PIWIL3: variants seen among roughly 807,000 people sequenced by gnomAD.
PIWIL3 encodes the protein piwi like RNA-mediated gene silencing 3, also known as piwi-like protein 3.
A neutral mutation model predicts 109.7 loss-of-function variants in PIWIL3; 101 were observed. The observed-to-expected ratio is 0.92, with a 90% CI of 0.78 to 1.09. PIWIL3 has a LOEUF of 1.09. Among genes scored for constraint, PIWIL3 ranks in the 50% least tolerant of loss-of-function variants. PIWIL3 has a pLI of 0.00. For missense variants in PIWIL3, 1,031 were observed against 1,072.6 expected (o/e 0.96, Z 0.54); for synonymous variants, 373 against 376.4 (o/e 0.99, Z 0.10).
At chr22:24,765,775 T>G (rs942770457) in intron 1 of PIWIL3, among the ~76,000 whole-genome samples, 1 of 139,332 alleles carries the variant, frequency 7.2e-6, no homozygotes, top group Non-Finnish European at 1.6e-5. Context: ...GGAAAATGAG[T>G]ATTTGGTCCA....
At chr22:24,772,852 C>T (rs1926204605) in intron 1 of PIWIL3, among the ~76,000 whole-genome samples, 1 of 152,184 alleles carries the variant, frequency 6.6e-6, no homozygotes, top group African/African-American at 2.4e-5. Flanking sequence ...CCTGCATGTG[C>T]CGGGTGTCCC....
Position 24,757,079 on chromosome 22 carries a change from CAAAAA to C in PIWIL3, c.356-379_356-375del, listed in dbSNP as rs71189275. Among the ~76,000 whole-genome samples, 99 of 91,726 alleles carry C rather than the reference CAAAAA, an allele frequency of 1.1e-3. 1 individual carries two copies. Among genetic ancestry groups the C allele is most frequent in the African/African-American group, 4.1e-3 (92 of 22,182 alleles). 60.2% of individuals were successfully genotyped at this position (91,726 alleles called of 152,430 possible). A position where few individuals can be genotyped will look rare whatever the true frequency, so the allele number is the denominator to read the frequency against. On this transcript the variant is annotated intron_variant, in intron 4 of 20. Coordinates refer to ENST00000616349, the MANE Select transcript of PIWIL3 (RefSeq NM_001255975.1). ...GGACAACAAGAGCTAAACTCCGTCT[CAAAAA>C]AAAAAAAAAAAAAAAAAAGAAAAGA...
In PIWIL3 at chr22:24,734,146, C is replaced by A. The variant is rs370380115; in HGVS notation, c.1645G>T (p.Asp549Tyr). 4 of 1,611,770 alleles carry A rather than the reference C, an allele frequency of 2.5e-6. No homozygotes were observed. In the East Asian group the frequency reaches 6.7e-5, roughly 27 times the overall value. The change falls in exon 14 of 21, where the codon GAT (aspartate) becomes TAT (tyrosine). Residue 549 changes from aspartate to tyrosine, a missense_variant. By Grantham distance (160) the Asp-to-Tyr change is radical. Coordinates refer to ENST00000616349, the MANE Select transcript of PIWIL3 (RefSeq NM_001255975.1). ...TCTATATAGGAGTTAGCATCACCAT[C>A]TACTTCAATCCTAAAAAATAAATAT... Reference protein sequence around the residue: ...TMKPAEMIEVDGDANSYIDTL... With the variant: ...TMKPAEMIEVYGDANSYIDTL...
Position 24,720,259 on chromosome 22 carries a change from GTTTTTTTTTTTT to G in PIWIL3, c.2358-376_2358-365del, listed in dbSNP as rs56087060. Among the ~76,000 whole-genome samples the G allele has an allele frequency of 4.8e-3, 503 of 105,522 alleles. 4 individuals carry two copies. Among genetic ancestry groups the G allele is most frequent in the African/African-American group, 0.016 (472 of 28,954 alleles). 69.2% of individuals were successfully genotyped at this position (105,522 alleles called of 152,430 possible). On this transcript the variant is annotated intron_variant, in intron 19 of 20. Coordinates refer to ENST00000616349, the MANE Select transcript of PIWIL3 (RefSeq NM_001255975.1). ...AGAATCACTGGACTATATTTAAACT[GTTTTTTTTTTTT>G]TTTTTTTTTTTTTTTTTTTAGACGG...
intron 1 of PIWIL3, among the ~76,000 whole-genome samples, chr22:24,764,870 G>A (rs181379369): frequency 2.3e-3 from 357 of 152,272 alleles, no homozygotes; most frequent in African/African-American, 8.4e-3. Flanking sequence ...CCAGTCTCAA[G>A]GGGCAGGGTT....
chr22:24,727,459 A>T (rs1569096898), intron 16 of PIWIL3, among the ~76,000 whole-genome samples: 1 of 152,206 alleles, frequency 6.6e-6, no homozygotes, highest in African/African-American at 2.4e-5. Context: ...GAGAGTGATC[A>T]AGACTGGCCT....
At position 24,754,772 on chromosome 22, in the gene PIWIL3, C is replaced by T. The variant is rs1924922824; in HGVS notation, c.773+12G>A. 6.3e-7 allele frequency: 1 copy of T among 1,582,326 alleles called. No homozygotes were observed. The stretch of plus-strand genomic sequence containing the variant: ...AGTCTGCAGAGTGTGAAATTTTCTA[C>T]TTTATACAAACCCATGACGGTATAA... On this transcript the variant is annotated intron_variant, in intron 7 of 20. Transcript: ENST00000616349.
At chr22:24,744,989 A>G (rs1256464004) in intron 12 of PIWIL3, among the ~76,000 whole-genome samples, 4 of 152,218 alleles carry the variant, frequency 2.6e-5, no homozygotes. Context: ...AGGTTACAAA[A>G]GAAGTCTTAA....
intron 6 of PIWIL3, 107 bp downstream of exon 6, chr22:24,755,677 A>C: frequency 7.2e-7 from 1 of 1,394,402 alleles, no homozygotes; most frequent in Non-Finnish European, 9.9e-7. Flanking sequence ...TTAATACATG[A>C]GGACTAGGAA....
chr22:24,756,670 G>A lies in PIWIL3; in HGVS notation c.391C>T (p.His131Tyr), dbSNP rs372380832. ...TGAGGACGAGATATCACTCGGAAGT[G>A]GTTGGCGAGTAGCTGTACCACTGTA... ...EGTVVQLLAN[H>Y]FRVISRPQWV... The change falls in exon 5 of 21, where the codon CAC becomes TAC. Residue 131 changes from histidine to tyrosine, a missense_variant. Coordinates refer to ENST00000616349, the MANE Select transcript of PIWIL3 (RefSeq NM_001255975.1). The A allele has an allele frequency of 3.1e-6, 5 of 1,613,868 alleles. No individual in the cohort carries two copies. In the African/African-American group the frequency reaches 6.7e-5, roughly 22 times the overall value.
chr22:24,742,624 C>G (rs571516561), intron 12 of PIWIL3, among the ~76,000 whole-genome samples: 2 of 152,230 alleles, frequency 1.3e-5, no homozygotes, highest in East Asian at 3.9e-4. Flanking sequence ...TGGTCTTTGA[C>G]AAAGCAAACA....
In PIWIL3 at chr22:24,728,808, C is replaced by T. The variant is rs894002496; in HGVS notation, c.1708-434G>A. ...TTATTCAGGTTCCAGGAACTTATCA[C>T]CATGTTGACAAGGATGGGTTAAAAT... On this transcript the variant is annotated intron_variant, in intron 14 of 20. Coordinates refer to ENST00000616349, the MANE Select transcript of PIWIL3 (RefSeq NM_001255975.1). 2.6e-5 allele frequency among the ~76,000 whole-genome samples: 4 copies of T among 152,088 alleles called. No homozygotes were observed. In the South Asian group the frequency reaches 8.3e-4, roughly 31 times the overall value.
intron 4 of PIWIL3, 78 bp from the exon 5 acceptor site, chr22:24,756,783 A>C (rs1387164145): frequency 6.9e-6 from 9 of 1,311,694 alleles, no homozygotes; most frequent in Non-Finnish European, 9.6e-6. Context: ...CTACAATATT[A>C]AAAGCCAAAG....
Position 24,754,823 on chromosome 22 carries a change from T to TAG in PIWIL3, c.732_733dup (p.Tyr245SerfsTer41). 1 of 1,613,064 alleles carries TAG rather than the reference T, an allele frequency of 6.2e-7. No homozygotes were observed. The highest frequency in any genetic ancestry group is 8.5e-7 in the Non-Finnish European group (1 of 1,179,130). On this transcript the variant is annotated frameshift_variant, in exon 7 of 21. Coordinates refer to ENST00000616349, the MANE Select transcript of PIWIL3 (RefSeq NM_001255975.1). LOFTEE classifies it high-confidence loss of function. ...CTGAATGGCCTTCTTTTTGGTATAA[T>TAG]AGTTGCGACCAACTTGTTCAAAATC...
rs796930118 is a variant in PIWIL3 at position 24,720,274 on chromosome 22, T to G, written c.2358-379A>C. On this transcript the variant is annotated intron_variant, in intron 19 of 20. Transcript: ENST00000616349. ...TATTTAAACTGTTTTTTTTTTTTTT[T>G]TTTTTTTTTTTTTTTTAGACGGAGT... is the stretch of plus-strand genomic sequence containing the variant. 2.4e-3 allele frequency among the ~76,000 whole-genome samples: 335 copies of G among 141,380 alleles called. 20 individuals are homozygous for G. The highest frequency in any genetic ancestry group is 4.1e-3 in the East Asian group (20 of 4,902). The allele number at this position is 141,380 out of a possible 152,430, so 92.8% of individuals were successfully genotyped here.
At chr22:24,719,630 T>A in intron 20 of PIWIL3, 42 bp from the exon 21 acceptor site, 1 of 1,544,718 alleles carries the variant, frequency 6.5e-7, no homozygotes, top group South Asian at 1.2e-5. Context: ...TTTTTTTCAC[T>A]TTACATCTAC....
rs1158878243 is a variant in PIWIL3 at position 24,749,403 on chromosome 22, C to T, written c.1334+1G>A. 6.2e-7 allele frequency: 1 copy of T among 1,613,706 alleles called. No homozygotes were observed. Among genetic ancestry groups the T allele is most frequent in the South Asian group, 1.1e-5 (1 of 91,068 alleles). On this transcript the variant is annotated splice_donor_variant, in intron 11 of 20. Transcript: ENST00000616349. LOFTEE classifies it high-confidence loss of function. Reference sequence around the variant, plus strand: ...CACTCAGCCAGAAAAGCAGCACTTACTCTTGTAGAGTATTGATGAATTCTT... The same window carrying T: ...CACTCAGCCAGAAAAGCAGCACTTATTCTTGTAGAGTATTGATGAATTCTT...
rs536902800 is a variant in PIWIL3 at position 24,723,957 on chromosome 22, C to T, written c.2232-702G>A. 3.3e-5 allele frequency among the ~76,000 whole-genome samples: 5 copies of T among 152,218 alleles called. No individual in the cohort carries two copies. The East Asian group carries it at 7.7e-4, about 24-fold the overall frequency. ...CCTCCCAAAGTGCTGAGATTACAGGCGTGAGCCACCACGCCAGGCCATTCA... is the reference window on the plus strand; with the variant it reads ...CCTCCCAAAGTGCTGAGATTACAGGTGTGAGCCACCACGCCAGGCCATTCA... On this transcript the variant is annotated intron_variant, in intron 18 of 20. Coordinates refer to ENST00000616349, the MANE Select transcript of PIWIL3 (RefSeq NM_001255975.1).
chr22:24,721,329 A>C (rs970104981), intron 19 of PIWIL3, among the ~76,000 whole-genome samples: 2 of 152,048 alleles, frequency 1.3e-5, no homozygotes, highest in African/African-American at 4.8e-5. Context: ...AAATTTTCTT[A>C]TGCCTGCTGA....
Sources: allele counts gnomAD v4.1 joint callset (sites outside exome capture counted in the v4.1 genomes callset), GRCh38; gene constraint gnomAD v4.1.1; transcripts MANE v1.5; gene names NCBI Gene and HGNC (gene_info 2026-07-23, HGNC 2026-07-21).